The following AUTS2 variants were observed in gnomAD, a reference collection of about 807,000 sequenced individuals.
AUTS2 encodes the protein autism susceptibility gene 2 protein.
In AUTS2, 17 loss-of-function variants were observed where a neutral mutation model predicts 112.4. That is an observed-to-expected ratio of 0.15 (90% CI 0.10 to 0.23). AUTS2 has a LOEUF of 0.23. Ranked by LOEUF, AUTS2 falls within the 10% of genes least tolerant of loss-of-function variation. The probability of loss-of-function intolerance (pLI) is 1.00; values close to 1 mark genes in which losing one functional copy is unlikely to be tolerated. For missense variants in AUTS2, 1,510 were observed against 1,701.6 expected (o/e 0.89, Z 1.98); for synonymous variants, 751 against 702.7 (o/e 1.07, Z -1.09).
In AUTS2 at chr7:70,137,258, A is replaced by G. The variant is rs1376168245; in HGVS notation, c.660+2687A>G. Reference sequence around the variant, plus strand: ...AGTAGACAAAATAGAGAAGGATTGGAACAAACTTTCTACATTTTTGGGAGC... The same window carrying G: ...AGTAGACAAAATAGAGAAGGATTGGGACAAACTTTCTACATTTTTGGGAGC... On this transcript the variant is annotated intron_variant, in intron 4 of 18. Coordinates refer to ENST00000342771, the MANE Select transcript of AUTS2 (RefSeq NM_015570.4). 2.0e-5 allele frequency among the ~76,000 whole-genome samples: 3 copies of G among 152,202 alleles called. No individual in the cohort carries two copies. The East Asian group carries it at 5.8e-4, about 29-fold the overall frequency.
intron 4 of AUTS2, among the ~76,000 whole-genome samples, chr7:70,232,492 C>T (rs1812109269): frequency 6.6e-6 from 1 of 152,078 alleles, no homozygotes; most frequent in Non-Finnish European, 1.5e-5. Context: ...CAACTTCCCC[C>T]TTCCAGGTTC....
chr7:70,605,726 T>A (rs984431926), intron 5 of AUTS2, among the ~76,000 whole-genome samples: 17 of 152,148 alleles, frequency 1.1e-4, no homozygotes, highest in Non-Finnish European at 5.9e-5. Flanking sequence ...GATGAATTTC[T>A]CAATTAAACA....
At chr7:70,383,230 T>G (rs1288550292) in intron 4 of AUTS2, among the ~76,000 whole-genome samples, 1 of 152,156 alleles carries the variant, frequency 6.6e-6, no homozygotes, top group Non-Finnish European at 1.5e-5. Context: ...TCTGCCCATG[T>G]GCTTAGCACA....
intron 4 of AUTS2, among the ~76,000 whole-genome samples, chr7:70,229,796 C>G (rs1245587569): frequency 6.6e-6 from 1 of 152,128 alleles, no homozygotes. Context: ...CTGGATCAAT[C>G]TGTGTTGAAA....
At chr7:70,745,603 C>T (rs1483938308) in intron 6 of AUTS2, among the ~76,000 whole-genome samples, 1 of 152,088 alleles carries the variant, frequency 6.6e-6, no homozygotes, top group Non-Finnish European at 1.5e-5. Context: ...CTGCTATAGA[C>T]GGAGCGTGCA....
chr7:69,992,735 A>G (rs898809963), intron 2 of AUTS2, among the ~76,000 whole-genome samples: 16 of 152,168 alleles, frequency 1.1e-4, no homozygotes, highest in Admixed American at 7.9e-4. Flanking sequence ...AAATGAAAAC[A>G]TAAGCCAGAC....
intron 5 of AUTS2, among the ~76,000 whole-genome samples, chr7:70,494,409 A>G (rs1798366957): frequency 6.6e-6 from 1 of 152,202 alleles, no homozygotes; most frequent in Non-Finnish European, 1.5e-5. Context: ...CCAAACACTC[A>G]GCCTCATGAA....
chr7:69,804,259 G>A (rs541102505), intron 1 of AUTS2, among the ~76,000 whole-genome samples: 8 of 152,258 alleles, frequency 5.3e-5, no homozygotes, highest in African/African-American at 1.9e-4. Context: ...ACACATATAT[G>A]GTCACGTACA....
chr7:70,023,261 TTGAG>T (rs1800364244), intron 2 of AUTS2, among the ~76,000 whole-genome samples: 1 of 152,202 alleles, frequency 6.6e-6, no homozygotes, highest in Non-Finnish European at 1.5e-5. Context: ...GAAATTTGAG[TTGAG>T]TGAGATCATT....
chr7:69,770,069 A>C (rs1788595681), intron 1 of AUTS2, among the ~76,000 whole-genome samples: 1 of 152,246 alleles, frequency 6.6e-6, no homozygotes, highest in Non-Finnish European at 1.5e-5. Context: ...TGAAACAGAC[A>C]GTTAAGGGTA....
chr7:70,618,973 T>C (rs543042891), intron 5 of AUTS2, among the ~76,000 whole-genome samples: 1 of 152,188 alleles, frequency 6.6e-6, no homozygotes, highest in Admixed American at 6.5e-5. Context: ...ATCAGAACAA[T>C]ACACTGTGTA....
At chr7:69,700,849 G>A (rs1797773358) in intron 1 of AUTS2, among the ~76,000 whole-genome samples, 1 of 152,186 alleles carries the variant, frequency 6.6e-6, no homozygotes, top group Admixed American at 6.5e-5. Context: ...GAGAGGATGA[G>A]TAGCTATAAT....
At chr7:69,985,145 CA>C (rs1798453016) in intron 2 of AUTS2, among the ~76,000 whole-genome samples, 2 of 148,936 alleles carry the variant, frequency 1.3e-5, no homozygotes, top group Non-Finnish European at 1.5e-5. Context: ...GCAGGAGGAT[CA>C]CTTGAACCCA....
intron 4 of AUTS2, among the ~76,000 whole-genome samples, chr7:70,425,854 G>T (rs1018559148): frequency 6.6e-6 from 1 of 152,198 alleles, no homozygotes; most frequent in Non-Finnish European, 1.5e-5. Context: ...ATAGATGGAT[G>T]GATGGATGGT....
chr7:70,627,019 G>A (rs1352987450), intron 5 of AUTS2, among the ~76,000 whole-genome samples: 1 of 152,072 alleles, frequency 6.6e-6, no homozygotes, highest in Non-Finnish European at 1.5e-5. Flanking sequence ...ATTTTCTTTT[G>A]GATATATACC....
At chr7:70,148,165 A>C (rs1205522798) in intron 4 of AUTS2, among the ~76,000 whole-genome samples, 1 of 152,104 alleles carries the variant, frequency 6.6e-6, no homozygotes, top group Non-Finnish European at 1.5e-5. Flanking sequence ...ATCTTGGTAA[A>C]TAGGAAGGCC....
rs575637092 is a variant in AUTS2 at position 70,401,938 on chromosome 7, T to C, written c.661-33814T>C. ...TCTTTTGAGCTGATGTACCAGAGAC[T>C]GACAGGCTGTAACTTCTTACACTAT... is the stretch of plus-strand genomic sequence containing the variant. On this transcript the variant is annotated intron_variant, in intron 4 of 18. Transcript: ENST00000342771. Among the ~76,000 whole-genome samples, 9 of 152,376 alleles carry C rather than the reference T, an allele frequency of 5.9e-5. No individual in the cohort carries two copies. The South Asian group carries it at 1.0e-3, about 18-fold the overall frequency.
At chr7:70,377,374 A>ATG (rs1793156874) in intron 4 of AUTS2, among the ~76,000 whole-genome samples, 1 of 102,276 alleles carries the variant, frequency 9.8e-6, no homozygotes, top group Non-Finnish European at 2.1e-5. Context: ...ATATATATAT[A>ATG]GTGATATATA....
At chr7:70,478,848 T>C (rs1797682839) in intron 5 of AUTS2, among the ~76,000 whole-genome samples, 2 of 152,200 alleles carry the variant, frequency 1.3e-5, no homozygotes, top group South Asian at 4.1e-4. Context: ...ATTGCACATG[T>C]ACACAGATAA....
Sources: allele counts gnomAD v4.1 joint callset (sites outside exome capture counted in the v4.1 genomes callset), GRCh38; gene constraint gnomAD v4.1.1; transcripts MANE v1.5; gene names NCBI Gene and HGNC (gene_info 2026-07-23, HGNC 2026-07-21).